CNTN3: variants seen among roughly 807,000 people sequenced by gnomAD.
CNTN3 encodes contactin 3, also known as contactin-3.
Under a neutral mutation model 119.1 loss-of-function variants are expected in CNTN3, and 60 were observed. The observed-to-expected ratio is 0.50, with a 90% CI of 0.41 to 0.62. CNTN3 has a LOEUF of 0.62. CNTN3 is among the 20% of genes least tolerant of loss of function. The probability of loss-of-function intolerance (pLI) is 0.00; values close to 1 mark genes in which losing one functional copy is unlikely to be tolerated. For missense variants in CNTN3, 1,101 were observed against 1,242.4 expected, an observed-to-expected ratio of 0.89 and a Z score of 1.71; for synonymous variants, 450 against 438.7, an observed-to-expected ratio of 1.03 and a Z score of -0.32.
intron 4 of CNTN3, among the ~76,000 whole-genome samples, chr3:74,485,426 G>A (rs1043323878): frequency 4.0e-5 from 6 of 151,846 alleles, no homozygotes; most frequent in African/African-American, 1.4e-4. Context: ...AAGAAATAAA[G>A]AGAAAACAAA....
At position 74,263,251 on chromosome 3, in the gene CNTN3, A is replaced by G. The variant is rs1701608696; in HGVS notation, c.*1150T>C. ...AGTCATACATATCAAAGTCAGCAGC[A>G]TTGCCTTGGTTCTATTACAAATTTA... On this transcript the variant is annotated 3_prime_UTR_variant, in exon 23 of 23. Coordinates refer to ENST00000263665, the MANE Select transcript of CNTN3 (RefSeq NM_020872.3). 1.3e-5 allele frequency: 2 copies of G among 152,126 alleles called. No homozygotes were observed. The allele number at this position is 152,126 out of a possible 1,614,324, so 9.4% of individuals were successfully genotyped here.
At chr3:74,369,412 A>T (rs1487738961) in intron 7 of CNTN3, 39 bp from the exon 8 acceptor site, 6 of 1,480,820 alleles carry the variant, frequency 4.1e-6, no homozygotes, top group Non-Finnish European at 4.5e-6. Context: ...TATTGTCTGG[A>T]AGCCTTTTCA....
At chr3:74,424,028 T>A (rs1393293666) in intron 5 of CNTN3, among the ~76,000 whole-genome samples, 2 of 152,168 alleles carry the variant, frequency 1.3e-5, no homozygotes, top group Non-Finnish European at 2.9e-5. Context: ...TCACTTCTGG[T>A]CAGAAAGATC....
chr3:74,286,530 A>T (rs1261581591), intron 19 of CNTN3, among the ~76,000 whole-genome samples: 2 of 152,166 alleles, frequency 1.3e-5, no homozygotes, highest in South Asian at 2.1e-4. Flanking sequence ...TTAACCCAGA[A>T]CAGAGCCTGT....
At chr3:74,311,979 TA>T (rs62722760) in intron 13 of CNTN3, among the ~76,000 whole-genome samples, 54,085 of 151,806 alleles carry the variant, frequency 0.36, 10,918 homozygotes, top group East Asian at 0.72. Context: ...TTCCGTGAGT[TA>T]AAAACTCCAC....
In CNTN3 at chr3:74,489,281, G is replaced by C. The variant is rs116332850; in HGVS notation, c.183-2650C>G. On this transcript the variant is annotated intron_variant, in intron 3 of 22. Coordinates refer to ENST00000263665, the MANE Select transcript of CNTN3 (RefSeq NM_020872.3). ...TTCAAGTTTGAGAAGAACTGATCTA[G>C]ACCATCCCCAACAAGTAACCATGGA... Among the ~76,000 whole-genome samples the C allele has an allele frequency of 1.9e-3, 287 of 152,140 alleles. 3 individuals are homozygous for C. The highest frequency in any genetic ancestry group is 6.6e-3 in the African/African-American group (274 of 41,498).
At chr3:74,454,405 C>T (rs1418239173) in intron 4 of CNTN3, among the ~76,000 whole-genome samples, 1 of 150,092 alleles carries the variant, frequency 6.7e-6, no homozygotes, top group Non-Finnish European at 1.5e-5. Context: ...CTATGTGTGT[C>T]TCTGCACGTG....
intron 2 of CNTN3, among the ~76,000 whole-genome samples, chr3:74,514,917 C>A (rs1703426281): frequency 6.6e-6 from 1 of 152,006 alleles, no homozygotes; most frequent in Admixed American, 6.6e-5. Context: ...GTGAGCTCTG[C>A]CAGTTCTCAA....
At chr3:74,505,069 C>T (rs1703232653) in intron 2 of CNTN3, among the ~76,000 whole-genome samples, 1 of 152,016 alleles carries the variant, frequency 6.6e-6, no homozygotes, top group South Asian at 2.1e-4. Flanking sequence ...ATATCATCTT[C>T]CCTTTATGTG....
At chr3:74,451,024 T>C (rs1296051437) in intron 4 of CNTN3, among the ~76,000 whole-genome samples, 1 of 152,186 alleles carries the variant, frequency 6.6e-6, no homozygotes, top group Admixed American at 6.5e-5. Flanking sequence ...TTTGGGTATA[T>C]ACCCAGCATT....
At chr3:74,525,000 T>C (rs754575202) in intron 1 of CNTN3, among the ~76,000 whole-genome samples, 9 of 151,826 alleles carry the variant, frequency 5.9e-5, no homozygotes, top group African/African-American at 1.7e-4. Context: ...GTCAATCTTG[T>C]ATGTCTGGCT....
chr3:74,370,131 A>T, intron 6 of CNTN3, 140 bp from the exon 7 acceptor site: 1 of 515,244 alleles, frequency 1.9e-6, no homozygotes, highest in Non-Finnish European at 3.5e-6. Flanking sequence ...TAGTCTATGC[A>T]GCTCAGATTC....
chr3:74,442,661 G>A (rs1701986474), intron 4 of CNTN3, among the ~76,000 whole-genome samples: 1 of 152,144 alleles, frequency 6.6e-6, no homozygotes, highest in African/African-American at 2.4e-5. Flanking sequence ...ATACAAGCCT[G>A]TAGGTGAGTT....
intron 20 of CNTN3, among the ~76,000 whole-genome samples, chr3:74,272,333 T>C (rs1198383040): frequency 1.3e-5 from 2 of 152,164 alleles, no homozygotes; most frequent in Non-Finnish European, 2.9e-5. Flanking sequence ...GTGGGGCAGA[T>C]TTTCAAAAAA....
At chr3:74,589,111 C>T (rs1484298099) in intron 1 of CNTN3, among the ~76,000 whole-genome samples, 1 of 150,986 alleles carries the variant, frequency 6.6e-6, no homozygotes, top group Non-Finnish European at 1.5e-5. Flanking sequence ...CAAATGGGAT[C>T]TAATTAAACT....
At chr3:74,454,658 C>G (rs569188241) in intron 4 of CNTN3, among the ~76,000 whole-genome samples, 2 of 152,012 alleles carry the variant, frequency 1.3e-5, no homozygotes, top group East Asian at 3.9e-4. Context: ...ACCGGTTGTT[C>G]CTTTCCATGT....
At chr3:74,460,837 T>C (rs553434144) in intron 4 of CNTN3, among the ~76,000 whole-genome samples, 215 of 137,490 alleles carry the variant, frequency 1.6e-3, no homozygotes, top group African/African-American at 4.8e-3. Context: ...TTTCTTTCTT[T>C]TTTTTTTGCC....
chr3:74,588,543 T>C (rs1014762161), intron 1 of CNTN3, among the ~76,000 whole-genome samples: 4 of 152,092 alleles, frequency 2.6e-5, no homozygotes, highest in East Asian at 3.9e-4. Context: ...AGGTAATTTA[T>C]AGATTCAATG....
At chr3:74,466,888 G>A (rs1216325764) in intron 4 of CNTN3, among the ~76,000 whole-genome samples, 1 of 152,030 alleles carries the variant, frequency 6.6e-6, no homozygotes, top group Admixed American at 6.6e-5. Flanking sequence ...AAACTTAGTG[G>A]GAAATTGACA....
Sources: allele counts gnomAD v4.1 joint callset (sites outside exome capture counted in the v4.1 genomes callset), GRCh38; gene constraint gnomAD v4.1.1; transcripts MANE v1.5; gene names NCBI Gene and HGNC (gene_info 2026-07-23, HGNC 2026-07-21).